The following SNAP91 variants were observed in gnomAD, a reference collection of about 807,000 sequenced individuals.
The protein encoded by SNAP91 is synaptosome associated protein 91, also known as clathrin coat assembly protein AP180.
Under a neutral mutation model 100.3 loss-of-function variants are expected in SNAP91, and 27 were observed. That is an observed-to-expected ratio of 0.27 (90% CI 0.20 to 0.37). SNAP91 has a LOEUF of 0.37. Among genes scored for constraint, SNAP91 ranks in the 10% least tolerant of loss-of-function variants. The pLI is 1.00. For synonymous variants in SNAP91, 404 were observed against 398.6 expected (o/e 1.01, Z -0.16); for missense variants, 986 against 1,123.7 (o/e 0.88, Z 1.75).
At chr6:83,700,274 A>C (rs1480005602) in intron 2 of SNAP91, among the ~76,000 whole-genome samples, 1 of 152,152 alleles carries the variant, frequency 6.6e-6, no homozygotes, top group Non-Finnish European at 1.5e-5. Context: ...ACAGAAAGAG[A>C]AAGTTGGAAT....
At chr6:83,669,150 A>G (rs2098738884) in intron 2 of SNAP91, among the ~76,000 whole-genome samples, 1 of 152,088 alleles carries the variant, frequency 6.6e-6, no homozygotes, top group African/African-American at 2.4e-5. Context: ...AGGTCGAACC[A>G]TCATAGGTCA....
At chr6:83,560,973 T>A (rs764292979) in intron 26 of SNAP91, 26 bp from the exon 27 acceptor site, 7 of 1,482,720 alleles carry the variant, frequency 4.7e-6, no homozygotes, top group Non-Finnish European at 6.4e-6. Context: ...GACATACACA[T>A]ATAAATAACA....
intron 16 of SNAP91, among the ~76,000 whole-genome samples, chr6:83,599,537 A>T (rs2128234896): frequency 6.6e-6 from 1 of 152,288 alleles, no homozygotes; most frequent in South Asian, 2.1e-4. Flanking sequence ...TCAAGCTAGA[A>T]GGACTTTAGA....
chr6:83,614,895 G>A, intron 10 of SNAP91, 33 bp from the exon 11 acceptor site: 1 of 1,557,006 alleles, frequency 6.4e-7, no homozygotes. Context: ...AACATACAAA[G>A]AAGAGAATAG....
At chr6:83,678,635 A>C (rs1587076618) in intron 2 of SNAP91, 1 of 767,472 alleles carries the variant, frequency 1.3e-6, no homozygotes, top group East Asian at 6.4e-5. Flanking sequence ...GATGTCTCTC[A>C]AATTCTTTTC....
At chr6:83,556,335 GAGAGGGGGAGAGA>G (rs1778167077) in intron 28 of SNAP91, 90 bp from the exon 29 acceptor site, 1 of 120,006 alleles carries the variant, frequency 8.3e-6, no homozygotes, top group Non-Finnish European at 1.5e-5. Context: ...GGGAGAGAGG[GAGAGGGGGAGAGA>G]GAGAGAGAGA....
chr6:83,605,275 G>A (rs908967097), intron 14 of SNAP91, among the ~76,000 whole-genome samples: 2 of 152,102 alleles, frequency 1.3e-5, no homozygotes, highest in Middle Eastern at 6.8e-3. Context: ...CCAGGAACGA[G>A]GCTACACCTG....
chr6:83,678,395 C>T (rs2098939475), intron 2 of SNAP91, among the ~76,000 whole-genome samples: 1 of 152,088 alleles, frequency 6.6e-6, no homozygotes, highest in Non-Finnish European at 1.5e-5. Context: ...TATTTAACTC[C>T]TTATATTCAA....
chr6:83,675,955 T>C (rs1340000636), intron 2 of SNAP91, among the ~76,000 whole-genome samples: 1 of 151,660 alleles, frequency 6.6e-6, no homozygotes. Flanking sequence ...GAGACCAGAC[T>C]GGGCAAAATG....
chr6:83,692,527 T>A (rs949054422), intron 2 of SNAP91, among the ~76,000 whole-genome samples: 19 of 139,000 alleles, frequency 1.4e-4, no homozygotes, highest in African/African-American at 4.9e-4. Context: ...AAAAAAAAAA[T>A]TACCTATTTA....
At chr6:83,629,302 T>A (rs2097107932) in intron 8 of SNAP91, among the ~76,000 whole-genome samples, 3 of 152,166 alleles carry the variant, frequency 2.0e-5, no homozygotes, top group Admixed American at 2.0e-4. Flanking sequence ...ATGTGATGCC[T>A]CCAGATTTGT....
At chr6:83,628,222 C>CAT (rs57893971) in intron 8 of SNAP91, among the ~76,000 whole-genome samples, 5,244 of 124,622 alleles carry the variant, frequency 0.042, 293 homozygotes, top group African/African-American at 0.066. Flanking sequence ...TTCCATTTTA[C>CAT]ATATATATAT....
intron 8 of SNAP91, among the ~76,000 whole-genome samples, chr6:83,629,606 T>G (rs1461949963): frequency 6.6e-6 from 1 of 152,086 alleles, no homozygotes; most frequent in Non-Finnish European, 1.5e-5. Context: ...TATTTTATTT[T>G]TTTGCAGTTA....
intron 5 of SNAP91, among the ~76,000 whole-genome samples, chr6:83,659,749 A>G (rs1359433242): frequency 6.6e-6 from 1 of 151,560 alleles, no homozygotes; most frequent in Non-Finnish European, 1.5e-5. Flanking sequence ...AAGCTTTCAA[A>G]AAAGCCAGTT....
At chr6:83,692,583 G>T (rs2099145385) in intron 2 of SNAP91, among the ~76,000 whole-genome samples, 1 of 152,046 alleles carries the variant, frequency 6.6e-6, no homozygotes, top group African/African-American at 2.4e-5. Context: ...GGAGATTGAG[G>T]TCTAAAGAAA....
At chr6:83,589,478 C>T (rs2093400707) in intron 22 of SNAP91, among the ~76,000 whole-genome samples, 1 of 152,104 alleles carries the variant, frequency 6.6e-6, no homozygotes. Flanking sequence ...AAATTAAGCC[C>T]TACGGAAATT....
At chr6:83,575,898 GTGAAATTATC>G in intron 25 of SNAP91, 115 bp downstream of exon 25, 2 of 623,576 alleles carry the variant, frequency 3.2e-6, no homozygotes, top group Admixed American at 7.9e-5. Flanking sequence ...AACACCAATT[GTGAAATTATC>G]TGAAATTATC....
chr6:83,601,671 G>T lies in SNAP91; in HGVS notation c.1142-72C>A, dbSNP rs2095243596. Reference sequence around the variant, plus strand: ...AGTTGAAACATGCAACCATACCAATGTCCAAGCCAGATAAGGCACTAACTA... The same window carrying T: ...AGTTGAAACATGCAACCATACCAATTTCCAAGCCAGATAAGGCACTAACTA... On this transcript the variant is annotated intron_variant, in intron 14 of 29. Transcript: ENST00000369694. 2.1e-6 allele frequency: 3 copies of T among 1,438,030 alleles called. No individual in the cohort carries two copies. The Admixed American group carries it at 5.2e-5, about 25-fold the overall frequency. 89.1% of individuals were successfully genotyped at this position (1,438,030 alleles called of 1,614,324 possible). A position where few individuals can be genotyped will look rare whatever the true frequency, so the allele number is the denominator to read the frequency against.
At chr6:83,690,017 T>C (rs1195404024) in intron 2 of SNAP91, among the ~76,000 whole-genome samples, 1 of 152,152 alleles carries the variant, frequency 6.6e-6, no homozygotes, top group East Asian at 1.9e-4. Context: ...TTTTTACTAA[T>C]CTTGATTTTT....
Sources: gnomAD v4.1 joint callset for allele counts (sites outside exome capture counted in the v4.1 genomes callset) on GRCh38, gnomAD v4.1.1 for gene constraint, MANE v1.5 for transcripts, NCBI Gene and HGNC (gene_info 2026-07-23, HGNC 2026-07-21) for gene names.